PRAMEF1: variants seen among roughly 807,000 people sequenced by gnomAD.
PRAMEF1 encodes PRAME family member 1.
Under a neutral mutation model 38.2 loss-of-function variants are expected in PRAMEF1, and 21 were observed. That is an observed-to-expected ratio of 0.55 (90% CI 0.39 to 0.79). The LOEUF (loss-of-function observed/expected upper bound fraction) is 0.79, where lower values mean the gene tolerates loss of function less well. Among genes scored for constraint, PRAMEF1 ranks in the 30% least tolerant of loss-of-function variants. The pLI is 0.00. For missense variants in PRAMEF1, 497 were observed against 565.8 expected (o/e 0.88, Z 1.23); for synonymous variants, 200 against 229.0 (o/e 0.87, Z 1.14).
rs759677336 is a variant in PRAMEF1 at position 12,795,411 on chromosome 1, C to A, written c.867-27C>A. 6.2e-6 allele frequency: 10 copies of A among 1,609,552 alleles called. 1 individual carries two copies. Among genetic ancestry groups the A allele is most frequent in the African/African-American group, 1.3e-5 (1 of 74,622 alleles). On this transcript the variant is annotated intron_variant, in intron 3 of 3. Coordinates refer to ENST00000332296, the MANE Select transcript of PRAMEF1 (RefSeq NM_023013.4). ...ACCTTCATCTAACTGGTATCACTGC[C>A]CAGAACTAACTTCTTGATCTCCACA...
At chr1:12,794,680 A>T (rs1295692516) in intron 3 of PRAMEF1, 187 bp downstream of exon 3, 4 of 1,457,802 alleles carry the variant, frequency 2.7e-6, no homozygotes, top group Middle Eastern at 2.6e-4. Flanking sequence ...GATCGCTCCA[A>T]TAAGGGGAGA....
At position 12,793,536 on chromosome 1, in the gene PRAMEF1, G is replaced by A. The variant is rs769956270; in HGVS notation, c.287+22G>A. The A allele has an allele frequency of 6.2e-6, 10 of 1,600,390 alleles. 1 individual carries two copies. In the Admixed American group the frequency reaches 6.7e-5, roughly 11 times the overall value. ...CCAGGTGAGGTGACCCAGGAGGGCTGGTAGATAGGGCTCAGGTGTCCAGGG... is the reference window on the plus strand; with the variant it reads ...CCAGGTGAGGTGACCCAGGAGGGCTAGTAGATAGGGCTCAGGTGTCCAGGG... On this transcript the variant is annotated intron_variant, in intron 2 of 3. Transcript: ENST00000332296.
At position 12,792,851 on chromosome 1, in the gene PRAMEF1, A is replaced by G. The variant is rs184747644; in HGVS notation, c.-25-352A>G. Among the ~76,000 whole-genome samples, 435 of 151,110 alleles carry G rather than the reference A, an allele frequency of 2.9e-3. 15 individuals carry two copies. Among genetic ancestry groups the G allele is most frequent in the African/African-American group, 0.01 (420 of 41,268 alleles). On this transcript the variant is annotated intron_variant, in intron 1 of 3. Transcript: ENST00000332296. ...CTGGTAGAAAATTTTCAAAATAAAA[A>G]ATAATGGCATCGATTTTAGGGAGTC...
chr1:12,795,155 TG>T lies in PRAMEF1; in HGVS notation c.867-282del, dbSNP rs1285345750. ...TTGTTCACATCTCCCACCGGGTACC[TG>T]TGGCCCAGAGATGAAGTTTTCTGCT... On this transcript the variant is annotated intron_variant, in intron 3 of 3. Transcript: ENST00000332296. 2.1e-4 allele frequency among the ~76,000 whole-genome samples: 32 copies of T among 151,180 alleles called. 1 individual carries two copies. Among genetic ancestry groups the T allele is most frequent in the Admixed American group, 2.1e-3 (32 of 15,148 alleles).
rs146268837 is a variant in PRAMEF1 at position 12,795,591 on chromosome 1, C to A, written c.1020C>A (p.Leu340=). ...TGTTCCGCATCAGTCTTGAACCCCTCGGAGCTCTGCTGGAGAAAATTGCTG... is the reference window on the plus strand; with the variant it reads ...TGTTCCGCATCAGTCTTGAACCCCTAGGAGCTCTGCTGGAGAAAATTGCTG... ...VLLFRISLEP[L]GALLEKIAAS... The change falls in exon 4 of 4, where the codon CTC becomes CTA. Residue 340 remains leucine, a synonymous_variant. Transcript: ENST00000332296. 6,106 of 1,513,892 alleles carry A rather than the reference C, an allele frequency of 4.0e-3. No homozygotes were observed. In the East Asian group the frequency reaches 0.054, roughly 13 times the overall value. The allele number at this position is 1,513,892 out of a possible 1,614,324, so 93.8% of individuals were successfully genotyped here.
intron 2 of PRAMEF1, 151 bp from the exon 3 acceptor site, chr1:12,793,764 G>A: frequency 1.4e-6 from 2 of 1,390,696 alleles, no homozygotes; most frequent in Non-Finnish European, 2.0e-6. Context: ...GGAATCAAAA[G>A]TCAGAATCAA....
Position 12,793,177 on chromosome 1 carries a change from A to T in PRAMEF1, c.-25-26A>T, listed in dbSNP as rs1310661787. ...TGATTGTCTTTGCCCTGAGAGTGAC[A>T]CATTTTCCCTGGATTTGTCTTCTAG... On this transcript the variant is annotated intron_variant, in intron 1 of 3. Transcript: ENST00000332296. 30 of 1,602,294 alleles carry T rather than the reference A, an allele frequency of 1.9e-5. 1 individual carries two copies. The highest frequency in any genetic ancestry group is 2.5e-5 in the Non-Finnish European group (29 of 1,174,156).
Position 12,793,157 on chromosome 1 carries a change from G to A in PRAMEF1, c.-25-46G>A. The A allele has an allele frequency of 2.5e-6, 4 of 1,592,556 alleles. 1 individual carries two copies. The highest frequency in any genetic ancestry group is 3.4e-5 in the Admixed American group (2 of 58,836). On this transcript the variant is annotated intron_variant, in intron 1 of 3. Transcript: ENST00000332296. The stretch of plus-strand genomic sequence containing the variant: ...CTGGTACCAGTAGAAGCAGATGATT[G>A]TCTTTGCCCTGAGAGTGACACATTT...
chr1:12,794,056 G>C lies in PRAMEF1; in HGVS notation c.429G>C (p.Glu143Asp). The C allele has an allele frequency of 1.2e-6, 2 of 1,609,132 alleles. No individual in the cohort carries two copies. Among genetic ancestry groups the C allele is most frequent in the East Asian group, 2.2e-5 (1 of 44,544 alleles). Reference protein sequence around the residue: ...QTAEDCPRMGEHQPLKVFIDI... With the variant: ...QTAEDCPRMGDHQPLKVFIDI... ...CAGAGGACTGTCCAAGGATGGGAGA[G>C]CACCAGCCCTTAAAGGTGTTCATAG... is the stretch of plus-strand genomic sequence containing the variant. The change falls in exon 3 of 4, where the codon GAG becomes GAC. Residue 143 changes from glutamate to aspartate, a missense_variant. Coordinates refer to ENST00000332296, the MANE Select transcript of PRAMEF1 (RefSeq NM_023013.4).
In PRAMEF1 at chr1:12,795,447, G is replaced by T. The variant is rs781128403; in HGVS notation, c.876G>T (p.Gln292His). Residue 292 changes from glutamine (Q) to histidine (H), a missense_variant, in exon 4 of 4, where the codon CAG (glutamine) becomes CAT (histidine). Around this residue, in one of 2 missense-constraint regions of PRAMEF1, gnomAD observed 470 missense variants for 501.9 expected, o/e 0.94. Transcript: ENST00000332296. Reference protein sequence around the residue: ...GHLEQLIRCLQNPLENLELTY... With the variant: ...GHLEQLIRCLHNPLENLELTY... ...TTCTTGATCTCCACAGGTGCCTCCA[G>T]AACCCCTTGGAGAACTTGGAATTAA... is the stretch of plus-strand genomic sequence containing the variant. 1.1e-4 allele frequency: 171 copies of T among 1,611,222 alleles called. 3 individuals carry two copies. The highest frequency in any genetic ancestry group is 1.7e-4 in the Middle Eastern group (1 of 5,968).
chr1:12,792,455 A>T (rs960052654), intron 1 of PRAMEF1, among the ~76,000 whole-genome samples: 17 of 151,174 alleles, frequency 1.1e-4, no homozygotes, highest in Non-Finnish European at 2.4e-4. Context: ...CAGGGCCCTG[A>T]GCTGGGCTCC....
intron 1 of PRAMEF1, among the ~76,000 whole-genome samples, chr1:12,792,770 C>T (rs1326699102): frequency 6.6e-6 from 1 of 151,062 alleles, no homozygotes; most frequent in African/African-American, 2.4e-5. Context: ...GATCTGCCTC[C>T]TTGGTGTCCA....
At position 12,793,499 on chromosome 1, in the gene PRAMEF1, A is replaced by C. The variant is rs1189782496; in HGVS notation, c.272A>C (p.Gln91Pro). ...GAAGGGCTTCATATGCTGCTTACACAGAAGGATCGCCCCAGGTGAGGTGAC... is the reference window on the plus strand; with the variant it reads ...GAAGGGCTTCATATGCTGCTTACACCGAAGGATCGCCCCAGGTGAGGTGAC... ...LLEGLHMLLT[Q>P]KDRPRRWKLQ... The change falls in exon 2 of 4, where the codon CAG becomes CCG. Residue 91 changes from glutamine (Q) to proline (P), a missense_variant. By Grantham distance (76) the Gln-to-Pro change is moderately conservative. Transcript: ENST00000332296. 6.2e-7 allele frequency: 1 copy of C among 1,608,240 alleles called. No individual in the cohort carries two copies. Among genetic ancestry groups the C allele is most frequent in the East Asian group, 2.3e-5 (1 of 44,346 alleles).
intron 1 of PRAMEF1, among the ~76,000 whole-genome samples, chr1:12,792,953 C>G (rs1212254135): frequency 1.3e-5 from 2 of 151,026 alleles, no homozygotes; most frequent in Non-Finnish European, 3.0e-5. Context: ...CACTCTCATT[C>G]TCATTGCTTT....
chr1:12,795,729 A>G lies in PRAMEF1; in HGVS notation c.1158A>G (p.Arg386=). The change falls in exon 4 of 4, where the codon AGA becomes AGG. Residue 386 remains arginine (R), a synonymous_variant. Coordinates refer to ENST00000332296, the MANE Select transcript of PRAMEF1 (RefSeq NM_023013.4). ...CSQLTTFYFG[R]NCMSIDALKD... is the part of the protein sequence containing the mutation. ...AGCTCACCACCTTCTACTTTGGCAG[A>G]AATTGCATGTCTATTGACGCCCTGA... is the stretch of plus-strand genomic sequence containing the variant. 6.3e-7 allele frequency: 1 copy of G among 1,592,754 alleles called. No homozygotes were observed. Among genetic ancestry groups the G allele is most frequent in the Non-Finnish European group, 8.6e-7 (1 of 1,168,876 alleles).
intron 3 of PRAMEF1, chr1:12,794,943 A>G (rs1274560507): frequency 7.6e-7 from 1 of 1,323,208 alleles, no homozygotes; most frequent in Non-Finnish European, 1.0e-6. Flanking sequence ...CCCTGTTTGT[A>G]AAAGGTTGTT....
intron 2 of PRAMEF1, 149 bp downstream of exon 2, chr1:12,793,663 T>C: frequency 6.5e-7 from 1 of 1,526,758 alleles, no homozygotes; most frequent in Non-Finnish European, 8.9e-7. Flanking sequence ...ATTTTCCAGA[T>C]CCTCAGAGAA....
At chr1:12,793,178 C>A in intron 1 of PRAMEF1, 25 bp from the exon 2 acceptor site, 1 of 1,603,060 alleles carries the variant, frequency 6.2e-7, no homozygotes, top group South Asian at 1.1e-5. Flanking sequence ...GAGAGTGACA[C>A]ATTTTCCCTG....
rs181566420 is a variant in PRAMEF1, at chr1:12,793,795, A to C, written c.288-120A>C. 554 of 1,423,144 alleles carry C rather than the reference A, an allele frequency of 3.9e-4. 25 individuals are homozygous for C. The African/African-American group carries it at 7.0e-3, about 18-fold the overall frequency. 88.2% of individuals were successfully genotyped at this position (1,423,144 alleles called of 1,614,324 possible). A position where few individuals can be genotyped will look rare whatever the true frequency, so the allele number is the denominator to read the frequency against. On this transcript the variant is annotated intron_variant, in intron 2 of 3. Coordinates refer to ENST00000332296, the MANE Select transcript of PRAMEF1 (RefSeq NM_023013.4). ...ATCAAAAGGGAACAGGGATTGAGAA[A>C]AGACAAAGAGAACAGGGAGCACTGA...
Sources: allele counts gnomAD v4.1 joint callset (sites outside exome capture counted in the v4.1 genomes callset), GRCh38; gene constraint gnomAD v4.1.1; regional missense constraint gnomAD v4.1.1; transcripts MANE v1.5; gene names NCBI Gene and HGNC (gene_info 2026-07-23, HGNC 2026-07-21).